Variants in MACROD2 observed in about 807,000 individuals in gnomAD.
The protein encoded by MACROD2 is mono-ADP ribosylhydrolase 2.
In MACROD2, 36 loss-of-function variants were observed where a neutral mutation model predicts 70.4. That is an observed-to-expected ratio of 0.51 (90% CI 0.39 to 0.68). The LOEUF (loss-of-function observed/expected upper bound fraction) is 0.68, where lower values mean the gene tolerates loss of function less well. MACROD2 is among the 30% of genes least tolerant of loss of function. The pLI, the probability that MACROD2 is intolerant of heterozygous loss-of-function variation, is 0.00. For synonymous variants in MACROD2, 172 were observed against 178.8 expected, an observed-to-expected ratio of 0.96 and a Z score of 0.30; for missense variants, 496 against 538.4, an observed-to-expected ratio of 0.92 and a Z score of 0.78.
chr20:15,256,132 G>T (rs939930446), intron 6 of MACROD2, among the ~76,000 whole-genome samples: 3 of 152,012 alleles, frequency 2.0e-5, no homozygotes, highest in Non-Finnish European at 2.9e-5. Context: ...TATAAATCCT[G>T]GTCAAAAGCG....
chr20:14,070,986 C>G (rs1326377368), intron 2 of MACROD2, among the ~76,000 whole-genome samples: 1 of 152,096 alleles, frequency 6.6e-6, no homozygotes, highest in Non-Finnish European at 1.5e-5. Context: ...CAAAAAAACC[C>G]TTCCAAAACA....
At chr20:14,121,679 G>T (rs879621611) in intron 3 of MACROD2, among the ~76,000 whole-genome samples, 1 of 152,024 alleles carries the variant, frequency 6.6e-6, no homozygotes, top group Admixed American at 6.6e-5. Flanking sequence ...TATTATTCTT[G>T]TTGAGTATTT....
intron 6 of MACROD2, among the ~76,000 whole-genome samples, chr20:15,337,879 T>C (rs1419926460): frequency 6.6e-6 from 1 of 151,702 alleles, no homozygotes; most frequent in African/African-American, 2.4e-5. Flanking sequence ...TAAGCTCATT[T>C]CTCTGTAGCT....
At chr20:15,874,746 C>A (rs1033235353) in intron 9 of MACROD2, among the ~76,000 whole-genome samples, 1 of 151,996 alleles carries the variant, frequency 6.6e-6, no homozygotes, top group Non-Finnish European at 1.5e-5. Context: ...ATGTGGTAGG[C>A]GGAAAAATGT....
At chr20:15,119,962 C>G (rs753566532) in intron 5 of MACROD2, among the ~76,000 whole-genome samples, 5 of 152,170 alleles carry the variant, frequency 3.3e-5, no homozygotes, top group Non-Finnish European at 1.5e-5. Context: ...TGAATTTTAT[C>G]TACTTAGTCT....
At chr20:15,073,777 T>C (rs1400166456) in intron 5 of MACROD2, among the ~76,000 whole-genome samples, 1 of 152,202 alleles carries the variant, frequency 6.6e-6, no homozygotes. Context: ...AAAGAGTATT[T>C]AATTCACAGA....
At chr20:15,556,574 C>T (rs1218843757) in intron 8 of MACROD2, among the ~76,000 whole-genome samples, 1 of 152,124 alleles carries the variant, frequency 6.6e-6, no homozygotes, top group African/African-American at 2.4e-5. Flanking sequence ...TTGGAAGAGA[C>T]CCATTTGAAT....
chr20:14,716,312 T>C (rs1456311697), intron 5 of MACROD2, among the ~76,000 whole-genome samples: 2 of 152,212 alleles, frequency 1.3e-5, no homozygotes, highest in African/African-American at 2.4e-5. Context: ...TATTTTGTTT[T>C]CCTATAGTTT....
rs928747852 is a variant in MACROD2, at chr20:15,955,636, A to G, written c.908-11917A>G. 2.6e-5 allele frequency among the ~76,000 whole-genome samples: 4 copies of G among 152,210 alleles called. No homozygotes were observed. In the East Asian group the frequency reaches 5.8e-4, roughly 22 times the overall value. ...AAATCAGGCTAATGCTAAATTATCTAGAACAGCACTGTCCAGTAGAAATAA... is the reference window on the plus strand; with the variant it reads ...AAATCAGGCTAATGCTAAATTATCTGGAACAGCACTGTCCAGTAGAAATAA... On this transcript the variant is annotated intron_variant, in intron 12 of 17. Transcript: ENST00000684519.
chr20:14,008,210 C>G (rs1019399315), intron 2 of MACROD2, among the ~76,000 whole-genome samples: 11 of 152,122 alleles, frequency 7.2e-5, no homozygotes, highest in African/African-American at 2.7e-4. Flanking sequence ...CATGATCCTA[C>G]ACGTAGAAAA....
At chr20:14,574,513 C>T (rs940875601) in intron 4 of MACROD2, among the ~76,000 whole-genome samples, 25 of 152,194 alleles carry the variant, frequency 1.6e-4, no homozygotes, top group Middle Eastern at 6.8e-3. Context: ...GAGCCCATAA[C>T]AGTCTAGGTT....
intron 3 of MACROD2, among the ~76,000 whole-genome samples, chr20:14,243,842 A>G (rs1351731435): frequency 2.0e-5 from 3 of 152,222 alleles, no homozygotes; most frequent in African/African-American, 4.8e-5. Flanking sequence ...GCAAGCATTT[A>G]TAAGCTCATG....
chr20:15,507,193 A>G (rs574527966), intron 8 of MACROD2, among the ~76,000 whole-genome samples: 2 of 152,062 alleles, frequency 1.3e-5, no homozygotes, highest in South Asian at 2.1e-4. Flanking sequence ...ACTTGCTAAC[A>G]TTTTATATTT....
intron 2 of MACROD2, among the ~76,000 whole-genome samples, chr20:14,057,286 G>A (rs1418173864): frequency 6.6e-6 from 1 of 152,130 alleles, no homozygotes; most frequent in East Asian, 1.9e-4. Context: ...CTGGACTGTT[G>A]ACAGTTCAAG....
chr20:15,561,450 G>T (rs922147669), intron 8 of MACROD2, among the ~76,000 whole-genome samples: 1 of 152,180 alleles, frequency 6.6e-6, no homozygotes, highest in African/African-American at 2.4e-5. Context: ...GCTGGGTAGG[G>T]TGGTTACTTG....
chr20:15,052,167 A>G (rs1282457643), intron 5 of MACROD2, among the ~76,000 whole-genome samples: 1 of 152,116 alleles, frequency 6.6e-6, no homozygotes. Flanking sequence ...TTACAACACC[A>G]TATTAAGGCT....
chr20:16,051,259 A>G lies in MACROD2; in HGVS notation c.*1383A>G, dbSNP rs1269280305. On this transcript the variant is annotated 3_prime_UTR_variant, in exon 18 of 18. Coordinates refer to ENST00000684519, the MANE Select transcript of MACROD2 (RefSeq NM_001351661.2). ...AAACTTACTTATATTGTTTTTCCTT[A>G]ACAGAGGGAGAAAAATAGTGGATTA... The G allele has an allele frequency of 1.9e-4, 29 of 152,182 alleles. No individual in the cohort carries two copies. The allele number at this position is 152,182 out of a possible 1,614,324, so 9.4% of individuals were successfully genotyped here.
rs140884244 is a variant in MACROD2, at chr20:15,068,465, G to A, written c.419-161475G>A. On this transcript the variant is annotated intron_variant, in intron 5 of 17. Coordinates refer to ENST00000684519, the MANE Select transcript of MACROD2 (RefSeq NM_001351661.2). ...GTCTCATATAGAAATGTGACCCCCC[G>A]TGTTGGAGGTGGGGGTCTAGTGGGA... Among the ~76,000 whole-genome samples the A allele has an allele frequency of 1.3e-3, 204 of 152,268 alleles. 1 individual carries two copies. The highest frequency in any genetic ancestry group is 4.6e-3 in the African/African-American group (191 of 41,576).
At chr20:15,390,608 C>T (rs987890717) in intron 6 of MACROD2, among the ~76,000 whole-genome samples, 14 of 152,054 alleles carry the variant, frequency 9.2e-5, no homozygotes, top group African/African-American at 3.4e-4. Context: ...TATCTATTAC[C>T]TGCTCTTGAT....
Sources: allele counts gnomAD v4.1 joint callset (sites outside exome capture counted in the v4.1 genomes callset), GRCh38; gene constraint gnomAD v4.1.1; transcripts MANE v1.5; gene names NCBI Gene and HGNC (gene_info 2026-07-23, HGNC 2026-07-21).